TRHDE: variants seen among roughly 807,000 people sequenced by gnomAD.
TRHDE encodes thyrotropin releasing hormone degrading enzyme.
TRHDE carries 72 observed loss-of-function variants against 125.7 expected under a neutral mutation model. The ratio of observed to expected loss-of-function variants is 0.57; its 90% confidence interval spans 0.47 to 0.70. The LOEUF is 0.70. TRHDE is among the 30% of genes least tolerant of loss of function. TRHDE has a pLI of 0.00. For missense variants in TRHDE, 1,110 were observed against 1,327.1 expected (o/e 0.84, Z 2.54); for synonymous variants, 509 against 509.1 (o/e 1.00, Z 0.00).
intron 3 of TRHDE, among the ~76,000 whole-genome samples, chr12:72,463,512 G>A (rs1876223691): frequency 6.6e-6 from 1 of 152,026 alleles, no homozygotes; most frequent in Middle Eastern, 3.2e-3. Context: ...AGAGAAAGTA[G>A]GACAATTGAT....
chr12:72,226,664 A>G (rs955790396), intron 2 of TRHDE, among the ~76,000 whole-genome samples: 7 of 152,174 alleles, frequency 4.6e-5, no homozygotes, highest in African/African-American at 1.4e-4. Context: ...GCAATGAAGA[A>G]TACACTAAAG....
chr12:72,112,099 C>T lies in TRHDE; in HGVS notation n.279+6347C>T, dbSNP rs139697802. On this transcript the variant is annotated intron_variant and non_coding_transcript_variant, in intron 2 of 4. Coordinates refer to the TRHDE transcript ENST00000548156. ...TACAAAAAGATTCGCTCATTATCTA[C>T]CTACCCTTGCTTTAATATATGAGCC... 2.8e-3 allele frequency among the ~76,000 whole-genome samples: 424 copies of T among 152,254 alleles called. 2 individuals are homozygous for T. Among genetic ancestry groups the T allele is most frequent in the African/African-American group, 9.2e-3 (384 of 41,554 alleles).
In TRHDE at chr12:72,322,096, T is replaced by C. The variant is rs560502323; in HGVS notation, c.1188+35142T>C. Reference sequence around the variant, plus strand: ...AATTCTATTTGCTAAAATGTATTTGTAACCCCCAAATCAATGTTTGTGGTG... The same window carrying C: ...AATTCTATTTGCTAAAATGTATTTGCAACCCCCAAATCAATGTTTGTGGTG... On this transcript the variant is annotated intron_variant, in intron 2 of 18. Transcript: ENST00000261180. Among the ~76,000 whole-genome samples the C allele has an allele frequency of 6.6e-5, 10 of 152,316 alleles. No individual in the cohort carries two copies. In the South Asian group the frequency reaches 2.1e-3, roughly 32 times the overall value.
At chr12:72,368,555 T>C (rs775570638) in intron 2 of TRHDE, among the ~76,000 whole-genome samples, 16 of 152,118 alleles carry the variant, frequency 1.1e-4, no homozygotes, top group Non-Finnish European at 1.6e-4. Context: ...AGATCAAATT[T>C]GTTATTCTAA....
At chr12:72,264,230 T>C (rs548721077) in intron 2 of TRHDE, 12 of 152,032 alleles carry the variant, frequency 7.9e-5, no homozygotes, top group Non-Finnish European at 1.5e-4. Flanking sequence ...TACTGACTTT[T>C]CCTTATTCCC....
chr12:72,555,303 C>A (rs979388158), intron 7 of TRHDE, among the ~76,000 whole-genome samples: 6 of 152,140 alleles, frequency 3.9e-5, no homozygotes, highest in Non-Finnish European at 1.5e-5. Context: ...AACTGACTTT[C>A]AACTATCCTT....
intron 2 of TRHDE, among the ~76,000 whole-genome samples, chr12:72,213,256 C>G (rs1360416040): frequency 6.6e-6 from 1 of 151,472 alleles, no homozygotes; most frequent in African/African-American, 2.4e-5. Context: ...CAAAGATGTT[C>G]AAAAGTAGGT....
At chr12:72,143,493 A>G (rs1333159271) in intron 2 of TRHDE, among the ~76,000 whole-genome samples, 1 of 151,836 alleles carries the variant, frequency 6.6e-6, no homozygotes, top group Non-Finnish European at 1.5e-5. Flanking sequence ...TAGATCTAGG[A>G]TGTCTGTTAG....
chr12:72,169,845 A>G (rs148331270), intron 2 of TRHDE, among the ~76,000 whole-genome samples: 1,749 of 152,222 alleles, frequency 0.011, 37 homozygotes, highest in Middle Eastern at 0.062. Context: ...ACTTCAATAT[A>G]TGAATTTTAG....
At chr12:72,491,524 C>T (rs1035452256) in intron 5 of TRHDE, among the ~76,000 whole-genome samples, 2 of 151,700 alleles carry the variant, frequency 1.3e-5, no homozygotes, top group African/African-American at 4.8e-5. Flanking sequence ...TAGCATTTTC[C>T]CTTAGCCGCA....
chr12:72,427,266 C>T (rs548555493), intron 3 of TRHDE, among the ~76,000 whole-genome samples: 106 of 152,162 alleles, frequency 7.0e-4, no homozygotes, highest in African/African-American at 2.4e-3. Flanking sequence ...GTATGTGTGC[C>T]ATAGTGCCTG....
intron 2 of TRHDE, among the ~76,000 whole-genome samples, chr12:72,170,166 A>G (rs1167158934): frequency 6.6e-6 from 1 of 152,214 alleles, no homozygotes; most frequent in African/African-American, 2.4e-5. Flanking sequence ...TTAAGGGTGG[A>G]TTACAATAAT....
intron 1 of TRHDE, among the ~76,000 whole-genome samples, chr12:72,097,243 T>C (rs1019341398): frequency 2.1e-4 from 32 of 152,124 alleles, no homozygotes; most frequent in Non-Finnish European, 1.5e-5. Flanking sequence ...AAAGGAAAAC[T>C]AAGAAGCTCA....
At chr12:72,470,009 A>T in intron 4 of TRHDE, 97 bp downstream of exon 4, 1 of 1,285,302 alleles carries the variant, frequency 7.8e-7, no homozygotes, top group Non-Finnish European at 1.1e-6. Context: ...CCTCCCAAAG[A>T]AGTTTTAATT....
intron 2 of TRHDE, among the ~76,000 whole-genome samples, chr12:72,290,875 C>G (rs1182826189): frequency 6.6e-6 from 1 of 152,178 alleles, no homozygotes; most frequent in Non-Finnish European, 1.5e-5. Context: ...TCAGAAGTCA[C>G]AGAGCATCAC....
chr12:72,157,942 G>A (rs1355778903), intron 2 of TRHDE, among the ~76,000 whole-genome samples: 2 of 152,144 alleles, frequency 1.3e-5, no homozygotes, highest in South Asian at 4.2e-4. Context: ...AAGGCAAGAG[G>A]TAGGAGAAAG....
chr12:72,230,803 T>G (rs1323117259), intron 2 of TRHDE, among the ~76,000 whole-genome samples: 1 of 152,170 alleles, frequency 6.6e-6, no homozygotes, highest in Non-Finnish European at 1.5e-5. Context: ...TTATAAAAGT[T>G]GGTTGTGCCT....
intron 12 of TRHDE, among the ~76,000 whole-genome samples, chr12:72,600,396 G>A (rs899547416): frequency 3.9e-5 from 6 of 151,920 alleles, no homozygotes; most frequent in African/African-American, 1.4e-4. Context: ...AACATGGAAT[G>A]TTTTTCCATT....
At chr12:72,477,050 C>G (rs920645220) in intron 5 of TRHDE, among the ~76,000 whole-genome samples, 7 of 152,070 alleles carry the variant, frequency 4.6e-5, no homozygotes, top group Non-Finnish European at 8.8e-5. Context: ...GCTCAGATTT[C>G]AAGGAAGGCA....
Sources: gnomAD v4.1 joint callset for allele counts (sites outside exome capture counted in the v4.1 genomes callset) on GRCh38, gnomAD v4.1.1 for gene constraint, MANE v1.5 for transcripts, NCBI Gene and HGNC (gene_info 2026-07-23, HGNC 2026-07-21) for gene names.